PMF1: variants seen among roughly 807,000 people sequenced by gnomAD.
PMF1 encodes the protein polyamine-modulated factor 1.
PMF1 carries 21 observed loss-of-function variants against 26.7 expected under a neutral mutation model. The observed-to-expected ratio is 0.79, with a 90% CI of 0.56 to 1.13. The LOEUF (loss-of-function observed/expected upper bound fraction) is 1.13. PMF1 is among the 50% of genes most tolerant of loss of function. PMF1 has a pLI of 0.00. For missense variants in PMF1, 266 were observed against 254.9 expected (o/e 1.04, Z -0.30); for synonymous variants, 105 against 101.0 (o/e 1.04, Z -0.24).
chr1:156,217,767 T>G (rs2103079078), intron 1 of PMF1, among the ~76,000 whole-genome samples: 1 of 151,914 alleles, frequency 6.6e-6, no homozygotes, highest in East Asian at 1.9e-4. Context: ...GCTCTAAAAG[T>G]GCACATGCAC....
Position 156,230,991 on chromosome 1 carries a change from G to A in PMF1, c.162-1329G>A, listed in dbSNP as rs571427287. 1.1e-4 allele frequency among the ~76,000 whole-genome samples: 16 copies of A among 152,116 alleles called. No homozygotes were observed. In the South Asian group the frequency reaches 2.9e-3, roughly 28 times the overall value. On this transcript the variant is annotated intron_variant, in intron 1 of 4. Coordinates refer to ENST00000368277, the MANE Select transcript of PMF1 (RefSeq NM_007221.4). ...AGCACTTTGGGAGGCCGAGATGGGCGGATCACGAGGTCAGGAGATCAAGAC... is the reference window on the plus strand; with the variant it reads ...AGCACTTTGGGAGGCCGAGATGGGCAGATCACGAGGTCAGGAGATCAAGAC...
chr1:156,232,240 C>A, intron 1 of PMF1, 80 bp from the exon 2 acceptor site: 5 of 1,269,688 alleles, frequency 3.9e-6, no homozygotes, highest in Non-Finnish European at 4.6e-6. Context: ...TCCTGTAATG[C>A]GAAGCGGAGG....
chr1:156,218,033 C>G (rs1322410242), intron 1 of PMF1, among the ~76,000 whole-genome samples: 1 of 152,228 alleles, frequency 6.6e-6, no homozygotes. Context: ...CTCACCGTCA[C>G]TGGGTTTTTT....
chr1:156,232,863 T>TAA (rs1658795893), intron 2 of PMF1, among the ~76,000 whole-genome samples: 1 of 151,668 alleles, frequency 6.6e-6, no homozygotes, highest in South Asian at 2.1e-4. Context: ...AGGCTCTTTT[T>TAA]AAATATTTCC....
intron 1 of PMF1, among the ~76,000 whole-genome samples, chr1:156,225,050 C>T (rs1222424130): frequency 6.6e-6 from 1 of 151,950 alleles, no homozygotes; most frequent in Non-Finnish European, 1.5e-5. Context: ...CAGGCGCCTG[C>T]CACTGCGCCC....
chr1:156,223,571 A>C (rs1658195236), intron 1 of PMF1: 1 of 152,222 alleles, frequency 6.6e-6, no homozygotes, highest in Non-Finnish European at 1.5e-5. Flanking sequence ...GTAAGGATTC[A>C]GTGAGTTATG....
chr1:156,226,785 T>G (rs1314207986), intron 1 of PMF1, among the ~76,000 whole-genome samples: 1 of 152,170 alleles, frequency 6.6e-6, no homozygotes, highest in Non-Finnish European at 1.5e-5. Context: ...GTGGTAGAGA[T>G]AGGATTTGAA....
chr1:156,227,252 C>T (rs935875889), intron 1 of PMF1, among the ~76,000 whole-genome samples: 2 of 151,908 alleles, frequency 1.3e-5, no homozygotes, highest in African/African-American at 2.4e-5. Context: ...GCCTGTAATC[C>T]CAGCACTTTG....
rs149764047 is a variant in PMF1, at chr1:156,232,574, C to T, written c.267+149C>T. 2.9e-4 allele frequency: 186 copies of T among 642,816 alleles called. 1 individual carries two copies. The highest frequency in any genetic ancestry group is 1.4e-3 in the Admixed American group (51 of 37,088). The allele number at this position is 642,816 out of a possible 1,614,324, so 39.8% of individuals were successfully genotyped here. ...GTGCCCAGCAGGCTGCAGCATCCAT[C>T]GTCACTCCCCTCCAAATGATGCGGG... On this transcript the variant is annotated intron_variant, in intron 2 of 4. Transcript: ENST00000368277.
chr1:156,218,548 G>A (rs548282971), intron 1 of PMF1, among the ~76,000 whole-genome samples: 24 of 152,298 alleles, frequency 1.6e-4, no homozygotes, highest in Middle Eastern at 3.4e-3. Context: ...TTGGGAGGCT[G>A]AGGCGGGCAG....
chr1:156,226,771 A>C (rs1045987433), intron 1 of PMF1, among the ~76,000 whole-genome samples: 4 of 152,238 alleles, frequency 2.6e-5, no homozygotes. Flanking sequence ...TCACTAGTTG[A>C]TGAGTGGTAG....
intron 1 of PMF1, among the ~76,000 whole-genome samples, chr1:156,222,783 C>T (rs1056689719): frequency 4.4e-5 from 6 of 137,126 alleles, no homozygotes; most frequent in East Asian, 1.9e-4. Context: ...TCCCAAAGTG[C>T]TGGGATTACA....
chr1:156,221,174 C>G (rs1658060811), intron 1 of PMF1, among the ~76,000 whole-genome samples: 2 of 152,264 alleles, frequency 1.3e-5, no homozygotes, highest in South Asian at 2.1e-4. Context: ...TGATGTCTTG[C>G]TGCTACTGAA....
chr1:156,226,314 A>G (rs1658370489), intron 1 of PMF1, among the ~76,000 whole-genome samples: 1 of 152,234 alleles, frequency 6.6e-6, no homozygotes, highest in Non-Finnish European at 1.5e-5. Flanking sequence ...CTCAGTTTTG[A>G]AACTCAGTAA....
intron 1 of PMF1, among the ~76,000 whole-genome samples, chr1:156,217,727 C>CAA (rs10659605): frequency 4.0e-3 from 336 of 83,308 alleles, no homozygotes; most frequent in African/African-American, 0.012. Context: ...GTCTCCAACT[C>CAA]AAAAAAAAAA....
chr1:156,228,034 A>G (rs1658471683), intron 1 of PMF1, among the ~76,000 whole-genome samples: 1 of 150,856 alleles, frequency 6.6e-6, no homozygotes, highest in South Asian at 2.1e-4. Context: ...TCCCGGGTTC[A>G]AGTGATTCTC....
chr1:156,232,076 T>C (rs1470507046), intron 1 of PMF1, among the ~76,000 whole-genome samples: 2 of 152,110 alleles, frequency 1.3e-5, no homozygotes, highest in Non-Finnish European at 2.9e-5. Context: ...CTTCAAGAGA[T>C]AAACACTTAA....
intron 4 of PMF1, among the ~76,000 whole-genome samples, chr1:156,237,509 C>T (rs1328503736): frequency 7.1e-5 from 10 of 141,464 alleles, no homozygotes; most frequent in East Asian, 4.3e-4. Flanking sequence ...TGCAGTGGCA[C>T]GATCTCAGCT....
intron 1 of PMF1, among the ~76,000 whole-genome samples, chr1:156,227,676 T>G (rs1658444484): frequency 6.6e-6 from 1 of 150,424 alleles, no homozygotes; most frequent in Non-Finnish European, 1.5e-5. Context: ...TTTTATATTT[T>G]TAGTAGAGAT....
Sources: gnomAD v4.1 joint callset for allele counts (sites outside exome capture counted in the v4.1 genomes callset) on GRCh38, gnomAD v4.1.1 for gene constraint, MANE v1.5 for transcripts, NCBI Gene and HGNC (gene_info 2026-07-23, HGNC 2026-07-21) for gene names.